The following NHSL1 variants were observed in gnomAD, a reference collection of about 807,000 sequenced individuals.
The protein encoded by NHSL1 is NHS-like protein 1.
Under a neutral mutation model 95.0 loss-of-function variants are expected in NHSL1, and 48 were observed. The observed-to-expected ratio is 0.51, with a 90% CI of 0.40 to 0.64. The LOEUF (loss-of-function observed/expected upper bound fraction) is 0.64, where lower values mean the gene tolerates loss of function less well. NHSL1 is among the 30% of genes least tolerant of loss of function. The pLI is 0.00. For missense variants in NHSL1, 1,971 were observed against 2,077.7 expected, an observed-to-expected ratio of 0.95 and a Z score of 1.00; for synonymous variants, 783 against 833.9, an observed-to-expected ratio of 0.94 and a Z score of 1.05.
chr6:138,617,688 G>T (rs62432531), intron 1 of NHSL1, among the ~76,000 whole-genome samples: 2 of 152,192 alleles, frequency 1.3e-5, no homozygotes, highest in Non-Finnish European at 2.9e-5. Flanking sequence ...GATACTAGAC[G>T]ACTATCAGCT....
chr6:138,518,745 C>A (rs1322191571), intron 1 of NHSL1, among the ~76,000 whole-genome samples: 2 of 152,110 alleles, frequency 1.3e-5, no homozygotes, highest in African/African-American at 4.8e-5. Flanking sequence ...AGGCCAGGCG[C>A]AGTAGCTCAC....
exon 1 of NHSL1, chr6:138,571,975 G>T (rs966426423): frequency 3.7e-6 from 5 of 1,358,334 alleles, no homozygotes; most frequent in African/African-American, 1.5e-5. Flanking sequence ...GGTTTTTTGC[G>T]TTGGCCCAGG....
intron 1 of NHSL1, among the ~76,000 whole-genome samples, chr6:138,635,068 G>A (rs1310340993): frequency 1.3e-5 from 2 of 149,114 alleles, no homozygotes; most frequent in African/African-American, 4.9e-5. Context: ...GCTACCTCAA[G>A]TACCTACATT....
intron 1 of NHSL1, among the ~76,000 whole-genome samples, chr6:138,552,603 C>T (rs181518943): frequency 3.3e-5 from 5 of 152,270 alleles, no homozygotes; most frequent in Admixed American, 3.3e-4. Context: ...TCTCCTAACA[C>T]TCAAAGTGTT....
chr6:138,534,104 G>A (rs112217235), intron 1 of NHSL1, among the ~76,000 whole-genome samples: 16 of 152,244 alleles, frequency 1.1e-4, no homozygotes, highest in African/African-American at 1.4e-4. Flanking sequence ...AATAGCCTGC[G>A]TATTTTCAGT....
rs138697859 is a variant in NHSL1 at position 138,432,944 on chromosome 6, G to A, written c.1401C>T (p.Pro467=). Residue 467 remains proline, a synonymous_variant, in exon 6 of 8, where the codon CCC becomes CCT. Transcript: ENST00000343505. The surrounding 1 kb of genome is among the most constrained non-coding windows in gnomAD (Gnocchi z 4.4). ...CATGGCCCTCATTCCAGTGGCGACC[G>A]GGAGACTGAGGATCACCTTTCACAG... ...RHAVKGDPQS[P]GRHWNEGHAT... is the part of the protein sequence containing the mutation. 0.011 allele frequency: 16,327 copies of A among 1,551,148 alleles called. 165 individuals carry two copies. Among genetic ancestry groups the A allele is most frequent in the Non-Finnish European group, 0.01 (11,990 of 1,146,546 alleles).
chr6:138,543,244 A>G (rs150767201), intron 1 of NHSL1, among the ~76,000 whole-genome samples: 1 of 152,340 alleles, frequency 6.6e-6, no homozygotes, highest in African/African-American at 2.4e-5. Flanking sequence ...CCTTAGCTGA[A>G]CTTCGCAGAA....
chr6:138,525,237 A>C (rs1349943367), intron 1 of NHSL1, among the ~76,000 whole-genome samples: 3 of 152,202 alleles, frequency 2.0e-5, no homozygotes, highest in Non-Finnish European at 4.4e-5. Flanking sequence ...TATCAAAAAC[A>C]AGAAGGGGCT....
In NHSL1 at chr6:138,431,560, C is replaced by G. The variant is rs1775668727; in HGVS notation, c.2785G>C (p.Ala929Pro). The change falls in exon 6 of 8, where the codon GCT (alanine) becomes CCT (proline). Residue 929 changes from alanine to proline, a missense_variant. This residue lies in a region of NHSL1 where 1,602 missense variants were observed against 1,654.5 expected (regional missense o/e 0.97). Coordinates refer to ENST00000343505, the MANE Select transcript of NHSL1 (RefSeq NM_001144060.2). This position sits in a 1 kb window ranked among gnomAD's most constrained non-coding sequence, Gnocchi z 4.0. ...KLDPAVGSPP[A>P]PPPPPVPSPP... Reference sequence around the variant, plus strand: ...GAGGGAACAGGAGGAGGAGGAGGAGCCGGGGGAGAGCCCACGGCTGGATCC... The same window carrying G: ...GAGGGAACAGGAGGAGGAGGAGGAGGCGGGGGAGAGCCCACGGCTGGATCC... The G allele has an allele frequency of 6.4e-7, 1 of 1,550,828 alleles. No individual in the cohort carries two copies. The highest frequency in any genetic ancestry group is 1.2e-5 in the South Asian group (1 of 83,920).
intron 1 of NHSL1, among the ~76,000 whole-genome samples, chr6:138,676,270 T>C (rs1785447125): frequency 6.6e-6 from 1 of 152,028 alleles, no homozygotes. Flanking sequence ...AATTAACAAA[T>C]CTAACCATCA....
At chr6:138,472,020 G>A (rs900837458) in intron 3 of NHSL1, among the ~76,000 whole-genome samples, 24 of 152,002 alleles carry the variant, frequency 1.6e-4, no homozygotes, top group African/African-American at 5.8e-4. Flanking sequence ...CGTATCTACT[G>A]AAAATACAAA....
intron 1 of NHSL1, among the ~76,000 whole-genome samples, chr6:138,592,475 G>A (rs749678428): frequency 1.1e-4 from 16 of 152,210 alleles, no homozygotes; most frequent in African/African-American, 1.7e-4. Context: ...GCAGGCGCCC[G>A]TAATCCCAGC....
intron 1 of NHSL1, among the ~76,000 whole-genome samples, chr6:138,578,985 G>C (rs897766407): frequency 1.8e-4 from 28 of 152,172 alleles, no homozygotes; most frequent in African/African-American, 5.6e-4. Context: ...CAGCAGGGTA[G>C]GGAGTGGTTT....
At chr6:138,600,603 A>T (rs1046627981) in intron 1 of NHSL1, among the ~76,000 whole-genome samples, 4 of 152,252 alleles carry the variant, frequency 2.6e-5, no homozygotes, top group African/African-American at 7.2e-5. Context: ...CCTGGGTTTA[A>T]GCCATTTGTT....
At chr6:138,534,688 A>C (rs1030497844) in intron 1 of NHSL1, among the ~76,000 whole-genome samples, 1 of 152,220 alleles carries the variant, frequency 6.6e-6, no homozygotes, top group Admixed American at 6.5e-5. Context: ...AAACTCTATC[A>C]AACTTGGTCA....
intron 1 of NHSL1, among the ~76,000 whole-genome samples, chr6:138,565,268 G>A (rs982654710): frequency 1.2e-4 from 19 of 152,130 alleles, no homozygotes; most frequent in African/African-American, 4.3e-4. Flanking sequence ...CACTAAACCC[G>A]AGTAATTTTT....
intron 1 of NHSL1, among the ~76,000 whole-genome samples, chr6:138,557,039 C>T (rs1783218502): frequency 6.6e-6 from 1 of 152,098 alleles, no homozygotes; most frequent in Non-Finnish European, 1.5e-5. Context: ...TGAAACAAAG[C>T]AGTAGATGAT....
rs774540699 is a variant in NHSL1 at position 138,424,451 on chromosome 6, C to G, written c.4451G>C (p.Gly1484Ala). Residue 1484 changes from glycine to alanine, a missense_variant, in exon 8 of 8, where the codon GGC becomes GCC. Around this residue, in one of 3 missense-constraint regions of NHSL1, gnomAD observed 223 missense variants for 217.0 expected, o/e 1.03. Coordinates refer to ENST00000343505, the MANE Select transcript of NHSL1 (RefSeq NM_001144060.2). The surrounding 1 kb of genome is among the most constrained non-coding windows in gnomAD (Gnocchi z 5.9). Reference sequence around the variant, plus strand: ...AAAGGACAGACTCCGAGGCATCAAGCCTTCGTTCTTGGCCCACTCCTCCTG... The same window carrying G: ...AAAGGACAGACTCCGAGGCATCAAGGCTTCGTTCTTGGCCCACTCCTCCTG... Reference protein sequence around the residue: ...RAQEEWAKNEGLMPRSLSFSG... With the variant: ...RAQEEWAKNEALMPRSLSFSG... The G allele has an allele frequency of 1.3e-6, 2 of 1,550,918 alleles. No individual in the cohort carries two copies.
chr6:138,547,117 G>A (rs979807575), upstream of NHSL1, among the ~76,000 whole-genome samples: 1 of 152,084 alleles, frequency 6.6e-6, no homozygotes. Context: ...GTGTCCTGGG[G>A]TGCTCACTGC....
Sources: gnomAD v4.1 joint callset for allele counts (sites outside exome capture counted in the v4.1 genomes callset) on GRCh38, gnomAD v4.1.1 for gene constraint, gnomAD v4.1.1 regional missense constraint, Gnocchi (gnomAD v3.1) non-coding constraint, MANE v1.5 for transcripts, NCBI Gene and HGNC (gene_info 2026-07-23, HGNC 2026-07-21) for gene names.